PLSCR1: variants seen among roughly 807,000 people sequenced by gnomAD.
The protein encoded by PLSCR1 is phospholipid scramblase 1, also known as PL scramblase 1.
In PLSCR1, 17 loss-of-function variants were observed where a neutral mutation model predicts 37.8. The observed-to-expected ratio is 0.45, with a 90% CI of 0.31 to 0.68. The LOEUF is 0.68. Ranked by LOEUF, PLSCR1 falls within the 30% of genes least tolerant of loss-of-function variation. The pLI is 0.06. For synonymous variants in PLSCR1, 116 were observed against 125.9 expected (o/e 0.92, Z 0.53); for missense variants, 347 against 380.9 (o/e 0.91, Z 0.74).
rs1458121865 is a variant in PLSCR1, at chr3:146,521,836, C to A, written c.573G>T (p.Gln191His). 3 of 1,611,666 alleles carry A rather than the reference C, an allele frequency of 1.9e-6. No individual in the cohort carries two copies. Among genetic ancestry groups the A allele is most frequent in the Non-Finnish European group, 2.5e-6 (3 of 1,177,926 alleles). The change falls in exon 6 of 9, where the codon CAG becomes CAT. Residue 191 changes from glutamine to histidine, a missense_variant. Coordinates refer to ENST00000342435, the MANE Select transcript of PLSCR1 (RefSeq NM_021105.3). ...CSSCCCPCCL[Q>H]EIEIQAPPGV... ...GCCCTGGTAATTGATCACAGACCTCCTGAAGGCAGCAGGGACAACAACAGC... is the reference window on the plus strand; with the variant it reads ...GCCCTGGTAATTGATCACAGACCTCATGAAGGCAGCAGGGACAACAACAGC...
intron 1 of PLSCR1, among the ~76,000 whole-genome samples, chr3:146,537,613 C>T (rs1012719674): frequency 6.6e-5 from 10 of 152,076 alleles, no homozygotes; most frequent in African/African-American, 2.2e-4. Context: ...GTGGCTTATG[C>T]CTATAATGCC....
intron 1 of PLSCR1, among the ~76,000 whole-genome samples, chr3:146,539,852 T>C (rs2044314545): frequency 6.6e-6 from 1 of 152,200 alleles, no homozygotes; most frequent in South Asian, 2.1e-4. Flanking sequence ...ATGTTAAGTG[T>C]TCCTTGTACC....
At chr3:146,525,704 C>A in intron 4 of PLSCR1, 57 bp from the exon 5 acceptor site, 1 of 762,726 alleles carries the variant, frequency 1.3e-6, no homozygotes, top group Non-Finnish European at 2.2e-6. Flanking sequence ...TTTTTATAAG[C>A]TAACCAAATT....
At position 146,516,993 on chromosome 3, in the gene PLSCR1, A is replaced by T. The variant is rs761955449; in HGVS notation, c.900+13T>A. On this transcript the variant is annotated intron_variant, in intron 8 of 8. Coordinates refer to ENST00000342435, the MANE Select transcript of PLSCR1 (RefSeq NM_021105.3). ...AAAGCATCTATAATCAAGATTAATA[A>T]GAACAGACTTACAATGAGGAAACAG... 6 of 1,507,262 alleles carry T rather than the reference A, an allele frequency of 4.0e-6. No individual in the cohort carries two copies. The highest frequency in any genetic ancestry group is 5.4e-6 in the Non-Finnish European group (6 of 1,115,044). 93.4% of individuals were successfully genotyped at this position (1,507,262 alleles called of 1,614,324 possible). A position where few individuals can be genotyped will look rare whatever the true frequency, so the allele number is the denominator to read the frequency against.
intron 7 of PLSCR1, 23 bp downstream of exon 7, chr3:146,521,521 A>T (rs1354886976): frequency 6.3e-7 from 1 of 1,598,050 alleles, no homozygotes; most frequent in African/African-American, 1.3e-5. Flanking sequence ...AGCAAATCTT[A>T]TAAACATTAT....
intron 1 of PLSCR1, chr3:146,536,832 C>G (rs2044271769): frequency 3.0e-6 from 1 of 335,774 alleles, no homozygotes; most frequent in Non-Finnish European, 5.6e-6. Context: ...TCCAGTGAGG[C>G]AGAAAGCCAT....
chr3:146,543,322 T>C (rs1389460451), intron 1 of PLSCR1, among the ~76,000 whole-genome samples: 1 of 152,224 alleles, frequency 6.6e-6, no homozygotes, highest in African/African-American at 2.4e-5. Flanking sequence ...AAACCAGCTA[T>C]TTTACATGCC....
chr3:146,521,776 A>G (rs2044024546), intron 6 of PLSCR1, 57 bp downstream of exon 6: 27 of 1,571,024 alleles, frequency 1.7e-5, no homozygotes, highest in Non-Finnish European at 2.4e-5. Flanking sequence ...GTTCAATGAC[A>G]GGGCAGAAAT....
At chr3:146,525,414 C>T (rs2044093904) in intron 5 of PLSCR1, 191 bp downstream of exon 5, 1 of 517,000 alleles carries the variant, frequency 1.9e-6, no homozygotes. Flanking sequence ...GGGCAGGTGC[C>T]CAACATAACA....
chr3:146,539,066 T>G (rs138934384), intron 1 of PLSCR1, among the ~76,000 whole-genome samples: 1 of 152,298 alleles, frequency 6.6e-6, no homozygotes, highest in South Asian at 2.1e-4. Flanking sequence ...TTTCTATTAT[T>G]ATTACATTGT....
chr3:146,532,284 T>A (rs1487764703), intron 3 of PLSCR1, among the ~76,000 whole-genome samples: 1 of 152,210 alleles, frequency 6.6e-6, no homozygotes, highest in Non-Finnish European at 1.5e-5. Flanking sequence ...GACTTACTAA[T>A]GATTTTTCAA....
intron 7 of PLSCR1, among the ~76,000 whole-genome samples, chr3:146,519,275 A>T (rs1442892800): frequency 1.3e-5 from 2 of 152,158 alleles, no homozygotes; most frequent in Non-Finnish European, 1.5e-5. Flanking sequence ...TTTATTGAAT[A>T]CTAATGAAAA....
chr3:146,518,736 A>C (rs1029179034), intron 7 of PLSCR1, among the ~76,000 whole-genome samples: 2 of 152,206 alleles, frequency 1.3e-5, no homozygotes, highest in African/African-American at 2.4e-5. Flanking sequence ...TATGGCAAGG[A>C]TAAGAAATGC....
intron 2 of PLSCR1, among the ~76,000 whole-genome samples, chr3:146,534,785 A>G (rs1379822418): frequency 6.6e-6 from 1 of 152,174 alleles, no homozygotes; most frequent in East Asian, 1.9e-4. Flanking sequence ...CTGAGGCAGG[A>G]GAATCACTTA....
chr3:146,526,945 G>T (rs922408990), intron 4 of PLSCR1, among the ~76,000 whole-genome samples: 1 of 152,186 alleles, frequency 6.6e-6, no homozygotes, highest in Non-Finnish European at 1.5e-5. Flanking sequence ...TTCAAGACCA[G>T]CCTGGCCAGT....
At chr3:146,543,124 A>T (rs1342110078) in intron 1 of PLSCR1, among the ~76,000 whole-genome samples, 3 of 152,088 alleles carry the variant, frequency 2.0e-5, no homozygotes, top group Non-Finnish European at 4.4e-5. Context: ...CATAGGTAGA[A>T]TTCCTGAGCT....
At chr3:146,525,092 C>A (rs893100153) in intron 5 of PLSCR1, among the ~76,000 whole-genome samples, 4 of 152,214 alleles carry the variant, frequency 2.6e-5, no homozygotes, top group Admixed American at 6.5e-5. Flanking sequence ...TGAAGCCAAG[C>A]CTGCAGGCTA....
At chr3:146,531,277 A>C (rs1230444973) in intron 3 of PLSCR1, among the ~76,000 whole-genome samples, 1 of 152,204 alleles carries the variant, frequency 6.6e-6, no homozygotes, top group Non-Finnish European at 1.5e-5. Flanking sequence ...GTCTAGCTGA[A>C]TAACAGCAAG....
At chr3:146,518,626 C>T (rs1313211184) in intron 7 of PLSCR1, among the ~76,000 whole-genome samples, 2 of 152,130 alleles carry the variant, frequency 1.3e-5, no homozygotes, top group Non-Finnish European at 2.9e-5. Context: ...TGACAACTTA[C>T]TAGCCACCGT....
Sources: allele counts gnomAD v4.1 joint callset (sites outside exome capture counted in the v4.1 genomes callset), GRCh38; gene constraint gnomAD v4.1.1; transcripts MANE v1.5; gene names NCBI Gene and HGNC (gene_info 2026-07-23, HGNC 2026-07-21).